Variants in AFAP1 observed in about 807,000 individuals in gnomAD.
AFAP1 encodes the protein actin filament associated protein 1, also known as actin filament-associated protein 1.
In AFAP1, 75 loss-of-function variants were observed where a neutral mutation model predicts 93.9. The ratio of observed to expected loss-of-function variants is 0.80; its 90% CI spans 0.66 to 0.97. The LOEUF is 0.97. Among genes scored for constraint, AFAP1 ranks in the 50% least tolerant of loss-of-function variants. The pLI, the probability that AFAP1 is intolerant of heterozygous loss-of-function variation, is 0.00. For missense variants in AFAP1, 1,201 were observed against 1,050.8 expected (o/e 1.14, Z -1.98); for synonymous variants, 517 against 430.7 (o/e 1.20, Z -2.48).
intron 14 of AFAP1, chr4:7,776,177 G>A (rs1029302085): frequency 6.6e-6 from 1 of 152,152 alleles, no homozygotes; most frequent in African/African-American, 2.4e-5. Flanking sequence ...CACACCCCAA[G>A]TGTCTGACTC....
In AFAP1 at chr4:7,809,694, G is replaced by A; in HGVS notation, c.974C>T (p.Thr325Ile). ...TTTCTTTCCCAGACTGATGATCTTG[G>A]TGATTTTTTTCCCAGTGACTTTCGA... is the stretch of plus-strand genomic sequence containing the variant. Reference protein sequence around the residue: ...TVSKVTGKKITKIISLGKKKP... With the variant: ...TVSKVTGKKIIKIISLGKKKP... The change falls in exon 9 of 18, where the codon ACC becomes ATC. Residue 325 changes from threonine (T) to isoleucine (I), a missense_variant. Thr to Ile is a moderately conservative substitution (Grantham distance 89). Coordinates refer to ENST00000420658, the MANE Select transcript of AFAP1 (RefSeq NM_001134647.2). 6.2e-7 allele frequency: 1 copy of A among 1,614,048 alleles called. No homozygotes were observed. The highest frequency in any genetic ancestry group is 8.5e-7 in the Non-Finnish European group (1 of 1,179,988).
Position 7,761,320 on chromosome 4 carries a change from T to TTAGGGTTC in AFAP1, c.*2444_*2445insGAACCCTA, listed in dbSNP as rs1713761229. 6.6e-6 allele frequency: 1 copy of TTAGGGTTC among 152,130 alleles called. No homozygotes were observed. The allele number at this position is 152,130 out of a possible 1,614,324, so 9.4% of individuals were successfully genotyped here. A position where few individuals can be genotyped will look rare whatever the true frequency, so the allele number is the denominator to read the frequency against. ...AGGCTCCATGGACCACGATGGGGTT[T>TTAGGGTTC]GTTAACGTTTGCCTCCGCTTTAAAA... On this transcript the variant is annotated 3_prime_UTR_variant, in exon 18 of 18. Coordinates refer to ENST00000420658, the MANE Select transcript of AFAP1 (RefSeq NM_001134647.2).
intron 9 of AFAP1, among the ~76,000 whole-genome samples, chr4:7,808,563 G>T (rs1439252428): frequency 1.3e-5 from 2 of 152,036 alleles, no homozygotes; most frequent in Non-Finnish European, 2.9e-5. Flanking sequence ...GACTGACCGG[G>T]GAGATGGTCT....
At chr4:7,899,830 T>G (rs1719011039) in intron 1 of AFAP1, among the ~76,000 whole-genome samples, 1 of 131,162 alleles carries the variant, frequency 7.6e-6, no homozygotes, top group Non-Finnish European at 1.8e-5. Context: ...AGATTCATAC[T>G]GGCCACCTGA....
rs1322397275 is a variant in AFAP1 at position 7,939,218 on chromosome 4, G to A, written c.-3+438C>T. On this transcript the variant is annotated intron_variant, in intron 1 of 17. Coordinates refer to ENST00000420658, the MANE Select transcript of AFAP1 (RefSeq NM_001134647.2). The surrounding 1 kb of genome is among the most constrained non-coding windows in gnomAD (Gnocchi z 5.6). ...CAGAGTCACGGACCCCCTCGTCCGAGGGTCCGCGCAGTCCCCTCGGTAAGT... is the reference window on the plus strand; with the variant it reads ...CAGAGTCACGGACCCCCTCGTCCGAAGGTCCGCGCAGTCCCCTCGGTAAGT... The A allele has an allele frequency of 8.8e-6, 2 of 228,284 alleles. No individual in the cohort carries two copies. Among genetic ancestry groups the A allele is most frequent in the South Asian group, 8.3e-5 (2 of 24,128 alleles). 14.1% of individuals were successfully genotyped at this position (228,284 alleles called of 1,614,324 possible).
chr4:7,874,366 T>TC (rs201385832), intron 1 of AFAP1, among the ~76,000 whole-genome samples: 48 of 134,814 alleles, frequency 3.6e-4, no homozygotes, highest in Middle Eastern at 3.5e-3. Context: ...CTTTTTTTTT[T>TC]TTTTTTTTTT....
Position 7,939,684 on chromosome 4 carries a change from C to A in AFAP1, c.-31G>T, listed in dbSNP as rs1721625500. 2 of 417,034 alleles carry A rather than the reference C, an allele frequency of 4.8e-6. No individual in the cohort carries two copies. Among genetic ancestry groups the A allele is most frequent in the South Asian group, 1.6e-5 (1 of 60,952 alleles). 25.8% of individuals were successfully genotyped at this position (417,034 alleles called of 1,614,324 possible). ...AGGCCGCCACCTCGCAGCGCTCGCT[C>A]CTCGCCGCGGCGCCTGGGCCGACTG... On this transcript the variant is annotated 5_prime_UTR_variant, in exon 1 of 18. Coordinates refer to ENST00000420658, the MANE Select transcript of AFAP1 (RefSeq NM_001134647.2). This position sits in a 1 kb window ranked among gnomAD's most constrained non-coding sequence, Gnocchi z 5.6.
At chr4:7,798,760 C>T in intron 10 of AFAP1, 1 of 398,492 alleles carries the variant, frequency 2.5e-6, no homozygotes, top group African/African-American at 2.2e-5. Context: ...TCGGGGCACA[C>T]AGCTACTGTG....
chr4:7,867,472 T>A (rs1193555097), intron 3 of AFAP1, among the ~76,000 whole-genome samples: 1 of 152,140 alleles, frequency 6.6e-6, no homozygotes, highest in Non-Finnish European at 1.5e-5. Flanking sequence ...TCCACTTCGG[T>A]GGACAGGCTC....
At chr4:7,809,898 C>T (rs1343434562) in intron 8 of AFAP1, 135 bp from the exon 9 acceptor site, 3 of 1,044,660 alleles carry the variant, frequency 2.9e-6, no homozygotes, top group South Asian at 1.7e-5. Flanking sequence ...CTCACTCTGT[C>T]CCCTGGCTGG....
intron 15 of AFAP1, chr4:7,774,457 C>T (rs973011630): frequency 3.7e-5 from 15 of 410,906 alleles, no homozygotes; most frequent in Non-Finnish European, 6.5e-5. Flanking sequence ...GTTGTCAGCG[C>T]CAGAAGCCGG....
chr4:7,874,058 T>C (rs186501773), intron 1 of AFAP1, among the ~76,000 whole-genome samples: 1 of 152,342 alleles, frequency 6.6e-6, no homozygotes, highest in Non-Finnish European at 1.5e-5. Flanking sequence ...ACAAATGTGA[T>C]TTATATTGCC....
rs1392685219 is a variant in AFAP1 at position 7,758,917 on chromosome 4, TGAGA to T, written c.*4844_*4847del. 1 of 152,192 alleles carries T rather than the reference TGAGA, an allele frequency of 6.6e-6. No homozygotes were observed. The highest frequency in any genetic ancestry group is 1.9e-4 in the East Asian group (1 of 5,204). The allele number at this position is 152,192 out of a possible 1,614,324, so 9.4% of individuals were successfully genotyped here. A position where few individuals can be genotyped will look rare whatever the true frequency, so the allele number is the denominator to read the frequency against. On this transcript the variant is annotated 3_prime_UTR_variant, in exon 18 of 18. Coordinates refer to ENST00000420658, the MANE Select transcript of AFAP1 (RefSeq NM_001134647.2). ...TTTTTACTTTATGAATTAAATACAT[TGAGA>T]AACAGTGAAAATATATTTACAGTCA... is the stretch of plus-strand genomic sequence containing the variant.
At chr4:7,798,826 C>T in intron 10 of AFAP1, 16 of 953,968 alleles carry the variant, frequency 1.7e-5, no homozygotes, top group Non-Finnish European at 2.0e-5. Flanking sequence ...TGACTTCCAC[C>T]CACCCCCACC....
At chr4:7,846,805 T>C (rs887407712) in intron 4 of AFAP1, among the ~76,000 whole-genome samples, 5 of 152,126 alleles carry the variant, frequency 3.3e-5, no homozygotes, top group South Asian at 4.1e-4. Context: ...CACTTGGAGA[T>C]GGGGCACATA....
chr4:7,810,300 G>C (rs1380078542), intron 8 of AFAP1, among the ~76,000 whole-genome samples: 1 of 152,236 alleles, frequency 6.6e-6, no homozygotes, highest in East Asian at 1.9e-4. Flanking sequence ...AGGGTTATGT[G>C]GAAGAGCAGC....
At chr4:7,867,908 T>G (rs538110153) in intron 3 of AFAP1, among the ~76,000 whole-genome samples, 2 of 152,280 alleles carry the variant, frequency 1.3e-5, no homozygotes, top group South Asian at 4.1e-4. Flanking sequence ...GTTCGTATCC[T>G]GGCAGAGAGA....
chr4:7,854,017 A>G (rs970311130), intron 4 of AFAP1, among the ~76,000 whole-genome samples: 1 of 152,172 alleles, frequency 6.6e-6, no homozygotes, highest in African/African-American at 2.4e-5. Context: ...AGCCCCCAAA[A>G]TCAAACAATC....
intron 1 of AFAP1, among the ~76,000 whole-genome samples, chr4:7,907,845 T>A (rs6834502): frequency 2.0e-5 from 3 of 152,196 alleles, no homozygotes; most frequent in African/African-American, 7.2e-5. Context: ...AAATGAGGCC[T>A]GAGCAAAGCC....
Sources: gnomAD v4.1 joint callset for allele counts (sites outside exome capture counted in the v4.1 genomes callset) on GRCh38, gnomAD v4.1.1 for gene constraint, Gnocchi (gnomAD v3.1) non-coding constraint, MANE v1.5 for transcripts, NCBI Gene and HGNC (gene_info 2026-07-23, HGNC 2026-07-21) for gene names.